PPP2R5E: variants seen among roughly 807,000 people sequenced by gnomAD.
PPP2R5E encodes the protein protein phosphatase 2 regulatory subunit B'epsilon.
In PPP2R5E, 4 loss-of-function variants were observed where a neutral mutation model predicts 65.3. The ratio of observed to expected loss-of-function variants is 0.06; its 90% CI spans 0.03 to 0.14. PPP2R5E has a LOEUF of 0.14. Among genes scored for constraint, PPP2R5E ranks in the 10% least tolerant of loss-of-function variants. The pLI, the probability that PPP2R5E is intolerant of heterozygous loss-of-function variation, is 1.00. For synonymous variants in PPP2R5E, 183 were observed against 187.4 expected (o/e 0.98, Z 0.19); for missense variants, 274 against 556.1 (o/e 0.49, Z 5.10).
intron 2 of PPP2R5E, among the ~76,000 whole-genome samples, chr14:63,506,368 G>A (rs1027249758): frequency 2.9e-4 from 44 of 152,168 alleles, no homozygotes; most frequent in East Asian, 3.9e-4. Context: ...GGAGAATGGC[G>A]TGAACCCGGG....
At chr14:63,481,941 T>C (rs925607089) in intron 2 of PPP2R5E, among the ~76,000 whole-genome samples, 4 of 152,210 alleles carry the variant, frequency 2.6e-5, no homozygotes, top group Admixed American at 1.3e-4. Flanking sequence ...ATTCAATTTT[T>C]TAGAAGATGA....
In PPP2R5E at chr14:63,374,725, C is replaced by T. The variant is rs1379383408; in HGVS notation, c.*1284G>A. 3 of 144,660 alleles carry T rather than the reference C, an allele frequency of 2.1e-5. No homozygotes were observed. Among genetic ancestry groups the T allele is most frequent in the African/African-American group, 8.1e-5 (3 of 37,262 alleles). The allele number at this position is 144,660 out of a possible 1,614,324, so 9.0% of individuals were successfully genotyped here. A position where few individuals can be genotyped will look rare whatever the true frequency, so the allele number is the denominator to read the frequency against. On this transcript the variant is annotated 3_prime_UTR_variant, in exon 14 of 14. Transcript: ENST00000337537. ...TTTTTTTTCTTAAACAATTTGGTCA[C>T]GATGCACCTTTGATATAAAAGCATT... is the stretch of plus-strand genomic sequence containing the variant.
chr14:63,454,585 T>C (rs1427359178), intron 2 of PPP2R5E, among the ~76,000 whole-genome samples: 1 of 152,218 alleles, frequency 6.6e-6, no homozygotes, highest in African/African-American at 2.4e-5. Flanking sequence ...AGAATGGACA[T>C]CTGCTCTTTT....
intron 5 of PPP2R5E, among the ~76,000 whole-genome samples, chr14:63,401,904 C>T (rs1885775989): frequency 6.6e-6 from 1 of 152,096 alleles, no homozygotes. Flanking sequence ...AAACTAAAGG[C>T]ACCAGATATA....
At chr14:63,472,256 C>A (rs756815140) in intron 2 of PPP2R5E, among the ~76,000 whole-genome samples, 6 of 152,036 alleles carry the variant, frequency 3.9e-5, no homozygotes, top group Admixed American at 6.6e-5. Context: ...GCTGAGATCA[C>A]GCCATTTCAC....
chr14:63,447,180 C>A (rs1208335280), intron 3 of PPP2R5E, among the ~76,000 whole-genome samples: 1 of 152,156 alleles, frequency 6.6e-6, no homozygotes, highest in Non-Finnish European at 1.5e-5. Context: ...TCAGCCTGGC[C>A]CAAGCTTTGG....
intron 4 of PPP2R5E, among the ~76,000 whole-genome samples, chr14:63,420,179 C>T (rs910212432): frequency 3.3e-5 from 5 of 152,068 alleles, no homozygotes; most frequent in African/African-American, 1.2e-4. Flanking sequence ...AGACAATATG[C>T]TGAGGCTTTG....
intron 2 of PPP2R5E, among the ~76,000 whole-genome samples, chr14:63,474,239 G>C (rs1473545217): frequency 6.6e-6 from 1 of 152,164 alleles, no homozygotes; most frequent in East Asian, 1.9e-4. Context: ...AGAATACAGA[G>C]GTGAAAAGTG....
intron 2 of PPP2R5E, among the ~76,000 whole-genome samples, chr14:63,476,284 A>G (rs764816933): frequency 6.6e-6 from 1 of 151,796 alleles, no homozygotes; most frequent in Non-Finnish European, 1.5e-5. Context: ...GTTCTCATGG[A>G]AGGCACAACA....
intron 2 of PPP2R5E, among the ~76,000 whole-genome samples, chr14:63,538,176 G>A (rs746420399): frequency 4.6e-5 from 7 of 151,998 alleles, no homozygotes; most frequent in Non-Finnish European, 8.8e-5. Context: ...CCAGCTACTC[G>A]GGAAGTTGAT....
chr14:63,470,080 C>T (rs1222075289), intron 2 of PPP2R5E, among the ~76,000 whole-genome samples: 3 of 151,948 alleles, frequency 2.0e-5, no homozygotes, highest in African/African-American at 7.3e-5. Flanking sequence ...CCACACCCCC[C>T]ACTTTTTTTG....
rs1888979593 is a variant in PPP2R5E, at chr14:63,453,750, T to C, written c.293A>G (p.Asp98Gly). The change falls in exon 3 of 14, where the codon GAC becomes GGC. Residue 98 changes from aspartate (D) to glycine (G), a missense_variant. By Grantham distance (94) the Asp-to-Gly change is moderately conservative. Coordinates refer to ENST00000337537, the MANE Select transcript of PPP2R5E (RefSeq NM_006246.5). Reference sequence around the variant, plus strand: ...ACAGCCTCTGCTTATTGTAATGTAGTCCACCAGTTCATTAAGAGTGGAGCG... The same window carrying C: ...ACAGCCTCTGCTTATTGTAATGTAGCCCACCAGTTCATTAAGAGTGGAGCG... ...YKRSTLNELV[D>G]YITISRGCLT... The C allele has an allele frequency of 6.2e-7, 1 of 1,613,632 alleles. No individual in the cohort carries two copies. Among genetic ancestry groups the C allele is most frequent in the South Asian group, 1.1e-5 (1 of 90,962 alleles).
chr14:63,469,358 AG>A (rs1198289534), intron 2 of PPP2R5E, among the ~76,000 whole-genome samples: 1 of 152,210 alleles, frequency 6.6e-6, no homozygotes, highest in Non-Finnish European at 1.5e-5. Flanking sequence ...AGTACAGTCC[AG>A]GGGGAAGCAA....
intron 5 of PPP2R5E, among the ~76,000 whole-genome samples, chr14:63,407,772 A>G (rs1416523818): frequency 6.6e-6 from 1 of 152,212 alleles, no homozygotes; most frequent in Non-Finnish European, 1.5e-5. Context: ...TGTTGAGGTC[A>G]TAAGGGCTCT....
intron 3 of PPP2R5E, among the ~76,000 whole-genome samples, chr14:63,447,911 A>G (rs566131227): frequency 6.6e-6 from 1 of 152,320 alleles, no homozygotes; most frequent in East Asian, 1.9e-4. Context: ...AGGCTGAGGA[A>G]CAACCGCTCA....
At chr14:63,423,842 T>C (rs764659067) in intron 3 of PPP2R5E, among the ~76,000 whole-genome samples, 3 of 152,226 alleles carry the variant, frequency 2.0e-5, no homozygotes, top group Non-Finnish European at 4.4e-5. Context: ...GAACTTACTA[T>C]ATTCTAGTTA....
chr14:63,536,850 C>T (rs558983246), intron 2 of PPP2R5E, among the ~76,000 whole-genome samples: 5 of 152,104 alleles, frequency 3.3e-5, no homozygotes, highest in South Asian at 4.2e-4. Context: ...AACAGAATGG[C>T]GGTTGCCAAG....
chr14:63,534,478 G>T (rs907072181), intron 2 of PPP2R5E, among the ~76,000 whole-genome samples: 1 of 152,012 alleles, frequency 6.6e-6, no homozygotes, highest in Non-Finnish European at 1.5e-5. Flanking sequence ...TGGCCAGGCT[G>T]GTCTCAAACT....
chr14:63,498,309 A>G (rs993958157), intron 2 of PPP2R5E, among the ~76,000 whole-genome samples: 1 of 152,244 alleles, frequency 6.6e-6, no homozygotes, highest in Non-Finnish European at 1.5e-5. Context: ...GCATGCTTTT[A>G]AACAAATGTA....
Sources: allele counts gnomAD v4.1 joint callset (sites outside exome capture counted in the v4.1 genomes callset), GRCh38; gene constraint gnomAD v4.1.1; transcripts MANE v1.5; gene names NCBI Gene and HGNC (gene_info 2026-07-23, HGNC 2026-07-21).